The following SFMBT1 variants were observed in gnomAD, a reference collection of about 807,000 sequenced individuals.
SFMBT1 encodes the protein scm-like with four MBT domains protein 1.
SFMBT1 carries 32 observed loss-of-function variants against 108.7 expected under a neutral mutation model. That is an observed-to-expected ratio of 0.29 (90% CI 0.22 to 0.40). The LOEUF (loss-of-function observed/expected upper bound fraction) is 0.40, where lower values mean the gene tolerates loss of function less well. Among genes scored for constraint, SFMBT1 ranks in the 10% least tolerant of loss-of-function variants. The probability of loss-of-function intolerance (pLI) is 1.00; values close to 1 mark genes in which losing one functional copy is unlikely to be tolerated. For missense variants in SFMBT1, 816 were observed against 1,059.6 expected (o/e 0.77, Z 3.19); for synonymous variants, 348 against 369.5 (o/e 0.94, Z 0.67).
intron 1 of SFMBT1, among the ~76,000 whole-genome samples, chr3:53,044,750 T>C (rs559652279): frequency 2.1e-3 from 318 of 152,350 alleles, no homozygotes; most frequent in Non-Finnish European, 3.7e-3. Flanking sequence ...CACAGATCAC[T>C]GCTAACAGGA....
intron 16 of SFMBT1, 117 bp from the exon 17 acceptor site, chr3:52,911,295 T>C: frequency 9.7e-7 from 1 of 1,032,964 alleles, no homozygotes; most frequent in South Asian, 1.8e-5. Context: ...TCTATGTCCT[T>C]TATAGTTCAA....
At chr3:53,011,510 G>T (rs182097960) in intron 1 of SFMBT1, among the ~76,000 whole-genome samples, 1 of 152,260 alleles carries the variant, frequency 6.6e-6, no homozygotes, top group African/African-American at 2.4e-5. Context: ...TCAGTTAAAG[G>T]GCAGTTAGGA....
At chr3:52,928,657 C>CATAT (rs111569868) in intron 8 of SFMBT1, among the ~76,000 whole-genome samples, 7,109 of 36,528 alleles carry the variant, frequency 0.19, 320 homozygotes, top group Non-Finnish European at 0.3. Context: ...TATATATACA[C>CATAT]ATATATACAT....
At chr3:53,035,184 TTTGGA>T in intron 1 of SFMBT1, among the ~76,000 whole-genome samples, 1 of 150,040 alleles carries the variant, frequency 6.7e-6, no homozygotes, top group South Asian at 2.1e-4. Context: ...TCCTGAGGAG[TTTGGA>T]CTTTACCCGG....
At chr3:52,938,138 A>T (rs1292942980) in intron 4 of SFMBT1, among the ~76,000 whole-genome samples, 3 of 152,194 alleles carry the variant, frequency 2.0e-5, no homozygotes, top group African/African-American at 7.2e-5. Flanking sequence ...AGTTGCCTGT[A>T]CATCTTTGTC....
At chr3:52,945,136 T>TAAAAAAAAAAAAAAAAAAAATAAAAAA (rs367727549) in intron 3 of SFMBT1, among the ~76,000 whole-genome samples, 1 of 48,512 alleles carries the variant, frequency 2.1e-5, no homozygotes, top group East Asian at 6.9e-4. Flanking sequence ...ACCTTCCAAT[T>TAAAAAAAAAAAAAAAAAAAATAAAAAA]AAAAAAAAAA....
rs145028434 is a variant in SFMBT1 at position 53,028,867 on chromosome 3, G to A, written c.-131+16949C>T. On this transcript the variant is annotated intron_variant, in intron 1 of 20. Coordinates refer to ENST00000394752, the MANE Select transcript of SFMBT1 (RefSeq NM_016329.4). ...CTGGCTTGGTGTGAACACTCTCTGAGCAAGTCACAAGAGTTATGGGCTAGG... is the reference window on the plus strand; with the variant it reads ...CTGGCTTGGTGTGAACACTCTCTGAACAAGTCACAAGAGTTATGGGCTAGG... Among the ~76,000 whole-genome samples, 1,873 of 152,214 alleles carry A rather than the reference G, an allele frequency of 0.012. 128 individuals are homozygous for A. The South Asian group carries it at 0.18, about 15-fold the overall frequency.
intron 10 of SFMBT1, among the ~76,000 whole-genome samples, chr3:52,922,382 A>G (rs1702545475): frequency 6.6e-6 from 1 of 152,250 alleles, no homozygotes; most frequent in Non-Finnish European, 1.5e-5. Flanking sequence ...GTCAAAATGG[A>G]CAACTGAACA....
At chr3:52,929,462 C>T (rs1276265901) in intron 8 of SFMBT1, among the ~76,000 whole-genome samples, 5 of 152,200 alleles carry the variant, frequency 3.3e-5, no homozygotes, top group Admixed American at 3.3e-4. Flanking sequence ...TGGTCTTGAA[C>T]TCCTGACCTC....
chr3:53,012,403 CTT>C (rs796932837), intron 1 of SFMBT1, among the ~76,000 whole-genome samples: 5 of 146,290 alleles, frequency 3.4e-5, no homozygotes, highest in African/African-American at 2.5e-5. Context: ...AGTGAGTGCT[CTT>C]TTTTTTTTTT....
intron 2 of SFMBT1, among the ~76,000 whole-genome samples, chr3:52,963,409 G>T (rs1236144013): frequency 2.0e-5 from 3 of 151,924 alleles, no homozygotes; most frequent in African/African-American, 4.8e-5. Context: ...CTGTTGGTGG[G>T]AAAACCACAA....
intron 1 of SFMBT1, among the ~76,000 whole-genome samples, chr3:53,039,030 T>C (rs1342627006): frequency 3.3e-5 from 5 of 152,214 alleles, no homozygotes; most frequent in Non-Finnish European, 7.3e-5. Flanking sequence ...TTACTCAATG[T>C]TACCCTGGAC....
At chr3:52,990,014 A>G (rs1575423004) in intron 1 of SFMBT1, among the ~76,000 whole-genome samples, 1 of 152,202 alleles carries the variant, frequency 6.6e-6, no homozygotes, top group Non-Finnish European at 1.5e-5. Flanking sequence ...AGCACCATCT[A>G]CTAAAACTGT....
intron 1 of SFMBT1, among the ~76,000 whole-genome samples, chr3:53,041,458 G>C (rs1700049984): frequency 6.6e-6 from 1 of 152,072 alleles, no homozygotes; most frequent in African/African-American, 2.4e-5. Context: ...AGCACTTTGG[G>C]AGGCCAAGGA....
intron 1 of SFMBT1, among the ~76,000 whole-genome samples, chr3:53,027,622 T>G (rs947912708): frequency 8.5e-5 from 13 of 152,230 alleles, no homozygotes; most frequent in Admixed American, 3.9e-4. Context: ...GCCTACCATC[T>G]GCCCCAGAGG....
In SFMBT1 at chr3:52,916,169, CT is replaced by C; in HGVS notation, c.1460del (p.Glu487GlyfsTer2). On this transcript the variant is annotated frameshift_variant, in exon 14 of 21. Coordinates refer to ENST00000394752, the MANE Select transcript of SFMBT1 (RefSeq NM_016329.4). LOFTEE classifies it high-confidence loss of function. ...TTATACCTGACTCTGTGGAGTTCAG[CT>C]CCTGATTCCTCAGGCCCTCGTGGAC... ...RTVHEGLRNQ[E>X]LNSTESVMIN... is the part of the protein sequence containing the mutation. The C allele has an allele frequency of 6.2e-7, 1 of 1,614,052 alleles. No individual in the cohort carries two copies.
At chr3:52,944,071 AAAT>A (rs1391759550) in intron 3 of SFMBT1, among the ~76,000 whole-genome samples, 1 of 152,222 alleles carries the variant, frequency 6.6e-6, no homozygotes, top group East Asian at 1.9e-4. Flanking sequence ...AATTACTCTT[AAAT>A]AATAATTAAT....
intron 1 of SFMBT1, among the ~76,000 whole-genome samples, chr3:52,990,290 G>GACT (rs1376459324): frequency 6.6e-6 from 1 of 152,102 alleles, no homozygotes; most frequent in Non-Finnish European, 1.5e-5. Context: ...AAGACAACTC[G>GACT]ACTCAGTTGT....
chr3:52,958,322 G>T (rs1219152096), intron 2 of SFMBT1, among the ~76,000 whole-genome samples: 3 of 152,222 alleles, frequency 2.0e-5, no homozygotes, highest in Non-Finnish European at 4.4e-5. Context: ...TGGGCAGGGT[G>T]GCTCATGCCT....
Sources: allele counts gnomAD v4.1 joint callset (sites outside exome capture counted in the v4.1 genomes callset), GRCh38; gene constraint gnomAD v4.1.1; transcripts MANE v1.5; gene names NCBI Gene and HGNC (gene_info 2026-07-23, HGNC 2026-07-21).